Variants in CSMD1 observed in about 807,000 individuals in gnomAD.
The protein encoded by CSMD1 is CUB and sushi domain-containing protein 1.
Under a neutral mutation model 417.5 loss-of-function variants are expected in CSMD1, and 213 were observed. The ratio of observed to expected loss-of-function variants is 0.51; its 90% CI spans 0.46 to 0.57. The LOEUF (loss-of-function observed/expected upper bound fraction) is 0.57, where lower values mean the gene tolerates loss of function less well. Ranked by LOEUF, CSMD1 falls within the 20% of genes least tolerant of loss-of-function variation. The pLI is 0.00. For missense variants in CSMD1, 6,923 were observed against 4,529.7 expected (o/e 1.53, Z -15.17); for synonymous variants, 2,862 against 1,736.8 (o/e 1.65, Z -16.11).
intron 1 of CSMD1, among the ~76,000 whole-genome samples, chr8:4,783,969 T>G (rs1361210014): frequency 6.6e-6 from 1 of 152,156 alleles, no homozygotes. Flanking sequence ...TCCCACAGAT[T>G]GGATGAGGTG....
At chr8:3,887,038 G>C (rs1806613574) in intron 5 of CSMD1, among the ~76,000 whole-genome samples, 1 of 152,116 alleles carries the variant, frequency 6.6e-6, no homozygotes, top group South Asian at 2.1e-4. Context: ...TTCAAACTCT[G>C]CCTCACACAT....
intron 5 of CSMD1, among the ~76,000 whole-genome samples, chr8:3,893,669 G>A (rs894852785): frequency 6.6e-6 from 1 of 151,758 alleles, no homozygotes; most frequent in Non-Finnish European, 1.5e-5. Context: ...AAGGAAATGG[G>A]CATGTCCTCA....
At chr8:4,664,891 T>C (rs570651929) in intron 1 of CSMD1, among the ~76,000 whole-genome samples, 45 of 152,192 alleles carry the variant, frequency 3.0e-4, no homozygotes, top group Non-Finnish European at 2.2e-4. Flanking sequence ...ATTACTTCTT[T>C]ACAGTTTCTA....
At chr8:3,939,251 GA>G (rs963985593) in intron 5 of CSMD1, among the ~76,000 whole-genome samples, 17 of 148,604 alleles carry the variant, frequency 1.1e-4, no homozygotes, top group Admixed American at 2.7e-4. Context: ...TTTTACATAT[GA>G]AAAAAAATGC....
chr8:4,752,705 G>T (rs1239127622), intron 1 of CSMD1, among the ~76,000 whole-genome samples: 1 of 152,172 alleles, frequency 6.6e-6, no homozygotes, highest in African/African-American at 2.4e-5. Context: ...CACAGGGGTG[G>T]TTTACCTTTG....
chr8:2,945,152 A>G (rs1241486501), intron 68 of CSMD1, among the ~76,000 whole-genome samples: 2 of 152,250 alleles, frequency 1.3e-5, no homozygotes, highest in African/African-American at 4.8e-5. Context: ...GAAAATTAAA[A>G]TAATCATTCC....
chr8:4,860,926 C>A (rs1802093942), intron 1 of CSMD1, among the ~76,000 whole-genome samples: 1 of 152,064 alleles, frequency 6.6e-6, no homozygotes, highest in South Asian at 2.1e-4. Context: ...CTGTTCATCC[C>A]TCAAACTTCA....
At chr8:4,610,016 G>A (rs1402314151) in intron 2 of CSMD1, among the ~76,000 whole-genome samples, 1 of 150,898 alleles carries the variant, frequency 6.6e-6, no homozygotes, top group Non-Finnish European at 1.5e-5. Context: ...ATTGCTTTGT[G>A]TCAGGGTTCA....
At chr8:4,772,557 T>G (rs940242937) in intron 1 of CSMD1, among the ~76,000 whole-genome samples, 1 of 152,198 alleles carries the variant, frequency 6.6e-6, no homozygotes, top group South Asian at 2.1e-4. Flanking sequence ...CAGTCACATA[T>G]GTCTTAAAGT....
chr8:4,390,494 C>A (rs1012735658), intron 3 of CSMD1, among the ~76,000 whole-genome samples: 14 of 30,810 alleles, frequency 4.5e-4, no homozygotes, highest in Admixed American at 3.3e-3. Context: ...CAGAAGCGTC[C>A]ATTTTTATTT....
chr8:3,522,081 T>G (rs868558748), intron 10 of CSMD1, among the ~76,000 whole-genome samples: 39 of 152,236 alleles, frequency 2.6e-4, no homozygotes, highest in African/African-American at 8.9e-4. Context: ...TTTGGGATGT[T>G]TATCTAAATT....
intron 3 of CSMD1, among the ~76,000 whole-genome samples, chr8:4,142,976 G>A (rs1424015222): frequency 7.0e-6 from 1 of 142,394 alleles, no homozygotes; most frequent in African/African-American, 2.6e-5. Flanking sequence ...CAGATGCTTA[G>A]TTTTCAAACT....
intron 3 of CSMD1, among the ~76,000 whole-genome samples, chr8:4,414,231 G>C (rs1796804110): frequency 6.6e-6 from 1 of 152,116 alleles, no homozygotes; most frequent in Non-Finnish European, 1.5e-5. Flanking sequence ...TCATGCTTGA[G>C]GGATGTGTCA....
chr8:4,810,776 T>C (rs554219255), intron 1 of CSMD1, among the ~76,000 whole-genome samples: 2 of 152,278 alleles, frequency 1.3e-5, no homozygotes, highest in Admixed American at 6.5e-5. Flanking sequence ...CTGAAGAAAG[T>C]GCCTCGCATA....
chr8:3,379,961 A>G (rs1316686942), intron 18 of CSMD1, among the ~76,000 whole-genome samples: 1 of 152,196 alleles, frequency 6.6e-6, no homozygotes, highest in Non-Finnish European at 1.5e-5. Flanking sequence ...CAGGCAACCT[A>G]CAGAATGGGA....
chr8:4,599,902 A>C (rs1489823960), intron 2 of CSMD1, among the ~76,000 whole-genome samples: 1 of 152,210 alleles, frequency 6.6e-6, no homozygotes, highest in African/African-American at 2.4e-5. Context: ...AACTGCTCAA[A>C]GTAGCATAAT....
chr8:4,019,065 C>T (rs1404539878), intron 4 of CSMD1, among the ~76,000 whole-genome samples: 1 of 152,178 alleles, frequency 6.6e-6, no homozygotes, highest in Non-Finnish European at 1.5e-5. Context: ...GATGCTACTC[C>T]ATTTGCTAGA....
intron 26 of CSMD1, among the ~76,000 whole-genome samples, chr8:3,262,027 G>T (rs1286790630): frequency 6.6e-6 from 1 of 151,588 alleles, no homozygotes; most frequent in Non-Finnish European, 1.5e-5. Flanking sequence ...CAGGGTCTCT[G>T]TTTTATTTGT....
chr8:4,637,050 T>C (rs1254937184), intron 2 of CSMD1, among the ~76,000 whole-genome samples: 1 of 151,952 alleles, frequency 6.6e-6, no homozygotes, highest in African/African-American at 2.4e-5. Flanking sequence ...AGGGGACAAA[T>C]AAGGGCACAA....
Sources: allele counts gnomAD v4.1 joint callset (sites outside exome capture counted in the v4.1 genomes callset), GRCh38; gene constraint gnomAD v4.1.1; transcripts MANE v1.5; gene names NCBI Gene and HGNC (gene_info 2026-07-23, HGNC 2026-07-21).